KLF12: variants seen among roughly 807,000 people sequenced by gnomAD.
The protein encoded by KLF12 is Krueppel-like factor 12.
KLF12 carries 9 observed loss-of-function variants against 37.8 expected under a neutral mutation model. The observed-to-expected ratio is 0.24, with a 90% confidence interval of 0.14 to 0.42. The LOEUF (loss-of-function observed/expected upper bound fraction) is 0.42. Ranked by LOEUF, KLF12 falls within the 10% of genes least tolerant of loss-of-function variation. KLF12 has a pLI of 1.00. For missense variants in KLF12, 411 were observed against 516.0 expected (o/e 0.80, Z 1.97); for synonymous variants, 208 against 202.1 (o/e 1.03, Z -0.25).
chr13:73,752,311 G>C (rs1413352471), intron 6 of KLF12, among the ~76,000 whole-genome samples: 8 of 152,052 alleles, frequency 5.3e-5, no homozygotes, highest in African/African-American at 1.9e-4. Flanking sequence ...CTCATCCACT[G>C]TACATTTTTA....
the KLF12 span, among the ~76,000 whole-genome samples, chr13:74,149,783 A>G: frequency 6.6e-6 from 1 of 151,862 alleles, no homozygotes. Flanking sequence ...GACCTCTCCA[A>G]TCCCATCTCC....
At chr13:74,304,133 A>G in the KLF12 span, among the ~76,000 whole-genome samples, 1 of 152,126 alleles carries the variant, frequency 6.6e-6, no homozygotes, top group Admixed American at 6.6e-5. Flanking sequence ...CCTAGTGAGT[A>G]CACTGGCTGC....
chr13:73,858,701 C>A (rs772962193), intron 3 of KLF12, among the ~76,000 whole-genome samples: 1 of 152,106 alleles, frequency 6.6e-6, no homozygotes, highest in Non-Finnish European at 1.5e-5. Context: ...ACAGCATTTT[C>A]CCCCCTAGAG....
intron 1 of KLF12, among the ~76,000 whole-genome samples, chr13:74,075,087 A>G (rs1309693001): frequency 6.6e-6 from 1 of 152,200 alleles, no homozygotes; most frequent in Non-Finnish European, 1.5e-5. Context: ...GCACTTAATA[A>G]GTGTTGAAGG....
intron 6 of KLF12, among the ~76,000 whole-genome samples, chr13:73,730,302 C>T (rs909053862): frequency 7.9e-5 from 12 of 152,244 alleles, no homozygotes; most frequent in East Asian, 1.9e-4. Flanking sequence ...CTCAACTGTA[C>T]GCAAAAGAAG....
intron 3 of KLF12, among the ~76,000 whole-genome samples, chr13:73,921,026 G>A (rs1566460640): frequency 6.6e-6 from 1 of 152,092 alleles, no homozygotes; most frequent in African/African-American, 2.4e-5. Context: ...TGATAGGAAA[G>A]GAGAGAGAGC....
At chr13:74,153,740 C>T in the KLF12 span, among the ~76,000 whole-genome samples, 1 of 152,168 alleles carries the variant, frequency 6.6e-6, no homozygotes, top group Non-Finnish European at 1.5e-5. Flanking sequence ...CCGTGAAAGT[C>T]AAGCTATTGA....
At chr13:73,816,981 T>G (rs1354497697) in intron 4 of KLF12, among the ~76,000 whole-genome samples, 1 of 152,172 alleles carries the variant, frequency 6.6e-6, no homozygotes, top group African/African-American at 2.4e-5. Flanking sequence ...GCTAAACCCA[T>G]GCCACATTTC....
the KLF12 span, among the ~76,000 whole-genome samples, chr13:74,262,793 C>T: frequency 6.6e-6 from 1 of 152,000 alleles, no homozygotes; most frequent in East Asian, 1.9e-4. Context: ...GGCAATGTCT[C>T]AGAATAATAG....
intron 6 of KLF12, among the ~76,000 whole-genome samples, chr13:73,729,478 G>A (rs988867021): frequency 2.0e-5 from 3 of 152,154 alleles, no homozygotes; most frequent in African/African-American, 7.2e-5. Context: ...ACTGTTACTG[G>A]CAATCTTACA....
chr13:73,920,911 C>T (rs944754173), intron 3 of KLF12, among the ~76,000 whole-genome samples: 1 of 152,120 alleles, frequency 6.6e-6, no homozygotes, highest in Non-Finnish European at 1.5e-5. Context: ...AGAAGCACAG[C>T]GAGGGGCTTT....
chr13:73,928,689 C>A (rs1290451046), intron 3 of KLF12, among the ~76,000 whole-genome samples: 1 of 152,170 alleles, frequency 6.6e-6, no homozygotes, highest in Admixed American at 6.5e-5. Context: ...TCAATGATTT[C>A]CCATGACTGT....
intron 4 of KLF12, among the ~76,000 whole-genome samples, chr13:73,844,079 G>A (rs1884888214): frequency 6.6e-6 from 1 of 151,972 alleles, no homozygotes; most frequent in Admixed American, 6.6e-5. Flanking sequence ...GAAAGATCAT[G>A]AGCAACATTA....
chr13:74,189,298 G>A, the KLF12 span, among the ~76,000 whole-genome samples: 1 of 152,032 alleles, frequency 6.6e-6, no homozygotes, highest in African/African-American at 2.4e-5. Context: ...GTTTTTCTTC[G>A]GTTTTGTAAG....
At chr13:74,086,856 G>A (rs1444715000) in intron 1 of KLF12, among the ~76,000 whole-genome samples, 1 of 152,048 alleles carries the variant, frequency 6.6e-6, no homozygotes, top group Non-Finnish European at 1.5e-5. Context: ...GTAAGCTAGA[G>A]AAAATAAAAT....
the KLF12 span, among the ~76,000 whole-genome samples, chr13:74,163,966 A>G: frequency 3.9e-5 from 6 of 152,136 alleles, no homozygotes; most frequent in African/African-American, 1.4e-4. Flanking sequence ...TACAATGCAT[A>G]AGAATAAGGA....
At chr13:73,730,160 C>T (rs1193764158) in intron 6 of KLF12, among the ~76,000 whole-genome samples, 4 of 152,062 alleles carry the variant, frequency 2.6e-5, no homozygotes, top group African/African-American at 9.7e-5. Flanking sequence ...TATCTTTGCC[C>T]GGTGCTCCTT....
At chr13:74,154,874 T>A in the KLF12 span, among the ~76,000 whole-genome samples, 1 of 152,332 alleles carries the variant, frequency 6.6e-6, no homozygotes, top group East Asian at 1.9e-4. Context: ...GAACAGGACA[T>A]CTTGTTTCTT....
At chr13:74,189,090 A>G in the KLF12 span, among the ~76,000 whole-genome samples, 1 of 152,230 alleles carries the variant, frequency 6.6e-6, no homozygotes, top group Non-Finnish European at 1.5e-5. Context: ...ATGAATATGC[A>G]AATATGCAAA....
Sources: allele counts gnomAD v4.1 joint callset (sites outside exome capture counted in the v4.1 genomes callset), GRCh38; gene constraint gnomAD v4.1.1; transcripts MANE v1.5; gene names NCBI Gene and HGNC (gene_info 2026-07-23, HGNC 2026-07-21).